MYO1D: variants seen among roughly 807,000 people sequenced by gnomAD.
MYO1D encodes myosin ID.
In MYO1D, 83 loss-of-function variants were observed where a neutral mutation model predicts 122.0. The ratio of observed to expected loss-of-function variants is 0.68; its 90% CI spans 0.57 to 0.82. The LOEUF (loss-of-function observed/expected upper bound fraction) is 0.82, where lower values mean the gene tolerates loss of function less well. Ranked by LOEUF, MYO1D falls within the 40% of genes least tolerant of loss-of-function variation. The pLI, the probability that MYO1D is intolerant of heterozygous loss-of-function variation, is 0.00. For missense variants in MYO1D, 1,157 were observed against 1,269.5 expected (o/e 0.91, Z 1.35); for synonymous variants, 464 against 446.9 (o/e 1.04, Z -0.48).
intron 21 of MYO1D, among the ~76,000 whole-genome samples, chr17:32,572,335 C>T (rs1272089627): frequency 1.3e-5 from 2 of 152,112 alleles, no homozygotes; most frequent in African/African-American, 2.4e-5. Flanking sequence ...CCCAAAGATG[C>T]TCTTTTCCCA....
intron 21 of MYO1D, chr17:32,523,320 C>G (rs182467340): frequency 6.6e-6 from 1 of 152,170 alleles, no homozygotes; most frequent in South Asian, 2.1e-4. Flanking sequence ...ACCCAACTTC[C>G]TTTTACAGAC....
intron 4 of MYO1D, among the ~76,000 whole-genome samples, chr17:32,773,044 G>C (rs1407405566): frequency 6.6e-6 from 1 of 152,212 alleles, no homozygotes; most frequent in Admixed American, 6.5e-5. Context: ...GCCGTGACTT[G>C]GATCGGGGGA....
chr17:32,670,815 G>T (rs7222072), intron 16 of MYO1D, among the ~76,000 whole-genome samples: 19,146 of 152,102 alleles, frequency 0.13, 2,605 homozygotes, highest in African/African-American at 0.34. Context: ...GATCTGACCC[G>T]CCTGTCCCCT....
chr17:32,519,906 A>ATTTT (rs1201382792), intron 21 of MYO1D, among the ~76,000 whole-genome samples: 4 of 142,604 alleles, frequency 2.8e-5, no homozygotes, highest in African/African-American at 1.1e-4. Flanking sequence ...TTTTTTAAAA[A>ATTTT]AAAAAACCAG....
chr17:32,854,216 T>C (rs1448301714), intron 1 of MYO1D, among the ~76,000 whole-genome samples: 2 of 152,202 alleles, frequency 1.3e-5, no homozygotes, highest in African/African-American at 4.8e-5. Context: ...TAGGTAACCC[T>C]TGGGAATTTT....
chr17:32,811,616 CTTT>C (rs755189217), intron 1 of MYO1D, among the ~76,000 whole-genome samples: 1,366 of 57,218 alleles, frequency 0.024, 9 homozygotes, highest in African/African-American at 0.074. Context: ...CCCTCACCCT[CTTT>C]TTTTTTTTTT....
chr17:32,526,184 T>C (rs898000487), intron 21 of MYO1D, among the ~76,000 whole-genome samples: 1 of 152,206 alleles, frequency 6.6e-6, no homozygotes, highest in Non-Finnish European at 1.5e-5. Context: ...CCCCACCAGA[T>C]TGTAAACCCT....
At chr17:32,537,017 TCTTA>T (rs1331902384) in intron 21 of MYO1D, among the ~76,000 whole-genome samples, 1 of 152,204 alleles carries the variant, frequency 6.6e-6, no homozygotes, top group African/African-American at 2.4e-5. Context: ...CTCTGTTCTG[TCTTA>T]CTTGATTTGC....
chr17:32,761,187 T>G (rs1184925749), intron 8 of MYO1D, among the ~76,000 whole-genome samples: 1 of 152,148 alleles, frequency 6.6e-6, no homozygotes, highest in Non-Finnish European at 1.5e-5. Flanking sequence ...CACATTCACA[T>G]CCCGATACAC....
chr17:32,644,511 G>A (rs978728285), intron 19 of MYO1D, among the ~76,000 whole-genome samples: 1 of 152,092 alleles, frequency 6.6e-6, no homozygotes, highest in South Asian at 2.1e-4. Flanking sequence ...GTTGACAGTG[G>A]GGTGTTAAAG....
chr17:32,827,038 G>A (rs542356975), intron 1 of MYO1D, among the ~76,000 whole-genome samples: 53 of 152,228 alleles, frequency 3.5e-4, no homozygotes, highest in African/African-American at 1.3e-3. Flanking sequence ...CCATTCCTGG[G>A]TATGCACCCA....
chr17:32,775,981 T>C lies in MYO1D; in HGVS notation c.447A>G (p.Gly149=). 1 of 1,613,962 alleles carries C rather than the reference T, an allele frequency of 6.2e-7. No homozygotes were observed. The highest frequency in any genetic ancestry group is 1.1e-5 in the South Asian group (1 of 91,072). ...TGTCATTACGGTTGGTTTTGGCATT[T>C]CCAAAAGCTTCCAAAACACAGTTGG... is the stretch of plus-strand genomic sequence containing the variant. ...LKSNCVLEAF[G]NAKTNRNDNS... The change falls in exon 4 of 22, where the codon GGA becomes GGG. Residue 149 remains glycine, a synonymous_variant. Coordinates refer to ENST00000318217, the MANE Select transcript of MYO1D (RefSeq NM_015194.3).
chr17:32,552,419 C>CCCATCCAT (rs60290556), intron 21 of MYO1D, among the ~76,000 whole-genome samples: 44 of 143,608 alleles, frequency 3.1e-4, no homozygotes, highest in East Asian at 1.2e-3. Flanking sequence ...CATCCATCCA[C>CCCATCCAT]CCATCCATCC....
At chr17:32,603,336 C>T (rs985224857) in intron 21 of MYO1D, among the ~76,000 whole-genome samples, 1 of 152,006 alleles carries the variant, frequency 6.6e-6, no homozygotes, top group East Asian at 1.9e-4. Flanking sequence ...TAAAATACTT[C>T]AATCTCCCAG....
chr17:32,710,779 A>C (rs2089365813), intron 16 of MYO1D, among the ~76,000 whole-genome samples: 1 of 152,246 alleles, frequency 6.6e-6, no homozygotes, highest in Admixed American at 6.5e-5. Context: ...ATGAATAGAC[A>C]GTTTACAGGA....
chr17:32,591,663 TC>T (rs946213809), intron 21 of MYO1D, among the ~76,000 whole-genome samples: 1 of 139,478 alleles, frequency 7.2e-6, no homozygotes, highest in African/African-American at 2.7e-5. Context: ...GGTGATTTCA[TC>T]AAAAAAAAAA....
chr17:32,652,907 C>T (rs1174718447), intron 19 of MYO1D, among the ~76,000 whole-genome samples: 7 of 152,028 alleles, frequency 4.6e-5, no homozygotes, highest in Admixed American at 1.3e-4. Flanking sequence ...TCTGGGAGGC[C>T]GAGGCGGGCG....
chr17:32,684,447 G>A (rs2088976652), intron 16 of MYO1D, among the ~76,000 whole-genome samples: 1 of 152,098 alleles, frequency 6.6e-6, no homozygotes, highest in African/African-American at 2.4e-5. Context: ...ATTTATTCCT[G>A]TATTTCCAAA....
intron 11 of MYO1D, among the ~76,000 whole-genome samples, chr17:32,752,399 A>C (rs1038023729): frequency 6.6e-6 from 1 of 152,216 alleles, no homozygotes; most frequent in African/African-American, 2.4e-5. Flanking sequence ...CCTCAAAAAC[A>C]AATGTGACAA....
Sources: gnomAD v4.1 joint callset for allele counts (sites outside exome capture counted in the v4.1 genomes callset) on GRCh38, gnomAD v4.1.1 for gene constraint, MANE v1.5 for transcripts, NCBI Gene and HGNC (gene_info 2026-07-23, HGNC 2026-07-21) for gene names.